Variants in GLIS1 observed in about 807,000 individuals in gnomAD.
GLIS1 encodes the protein GLIS family zinc finger 1.
A neutral mutation model predicts 63.8 loss-of-function variants in GLIS1; 24 were observed. That is an observed-to-expected ratio of 0.38 (90% CI 0.27 to 0.53). The LOEUF (loss-of-function observed/expected upper bound fraction) is 0.53, where lower values mean the gene tolerates loss of function less well. GLIS1 is among the 20% of genes least tolerant of loss of function. The probability of loss-of-function intolerance (pLI) is 0.85; values close to 1 mark genes in which losing one functional copy is unlikely to be tolerated. For synonymous variants in GLIS1, 450 were observed against 482.5 expected (o/e 0.93, Z 0.88); for missense variants, 1,036 against 1,074.1 (o/e 0.96, Z 0.50).
intron 2 of GLIS1, among the ~76,000 whole-genome samples, chr1:53,640,415 C>T (rs562932498): frequency 4.6e-5 from 7 of 152,238 alleles, no homozygotes; most frequent in African/African-American, 1.4e-4. Flanking sequence ...GACTCTACAC[C>T]GTTGTTGGTG....
chr1:53,705,921 C>G (rs2100507194), intron 2 of GLIS1, among the ~76,000 whole-genome samples: 1 of 152,298 alleles, frequency 6.6e-6, no homozygotes, highest in Admixed American at 6.5e-5. Context: ...AGCAGTCAGC[C>G]AGGCCAACCC....
intron 2 of GLIS1, among the ~76,000 whole-genome samples, chr1:53,680,700 C>T (rs1035859881): frequency 6.6e-6 from 1 of 152,180 alleles, no homozygotes; most frequent in South Asian, 2.1e-4. Context: ...GTGTGATGCT[C>T]CTACTATCTG....
intron 2 of GLIS1, among the ~76,000 whole-genome samples, chr1:53,664,322 C>G (rs1646064702): frequency 6.6e-6 from 1 of 152,212 alleles, no homozygotes; most frequent in Non-Finnish European, 1.5e-5. Flanking sequence ...GCTTCCTACA[C>G]CAGAGGCAGA....
chr1:53,628,719 G>T lies in GLIS1; in HGVS notation c.260-28441C>A, dbSNP rs564164066. ...TCATCACCTAGCAGGTCTAAGCTCA[G>T]TCTCCTGGGTGCTGATCATCAGACT... On this transcript the variant is annotated intron_variant, in intron 2 of 10. Transcript: ENST00000628545. 4.7e-4 allele frequency among the ~76,000 whole-genome samples: 71 copies of T among 152,248 alleles called. 1 individual carries two copies. Among genetic ancestry groups the T allele is most frequent in the Non-Finnish European group, 7.8e-4 (53 of 67,994 alleles).
At chr1:53,573,651 C>G (rs1176910307) in intron 4 of GLIS1, among the ~76,000 whole-genome samples, 1 of 152,226 alleles carries the variant, frequency 6.6e-6, no homozygotes, top group Non-Finnish European at 1.5e-5. Context: ...AGCACATGCA[C>G]ATGTACACGC....
At chr1:53,644,733 G>T (rs1274820145) in intron 2 of GLIS1, among the ~76,000 whole-genome samples, 1 of 152,122 alleles carries the variant, frequency 6.6e-6, no homozygotes, top group Non-Finnish European at 1.5e-5. Context: ...AGAATTAAAC[G>T]GTGCATTTGG....
chr1:53,549,782 T>C (rs1034203642), intron 4 of GLIS1, among the ~76,000 whole-genome samples: 1 of 152,228 alleles, frequency 6.6e-6, no homozygotes, highest in Non-Finnish European at 1.5e-5. Context: ...AGTGCTTGTA[T>C]GTGTATTAAG....
intron 4 of GLIS1, among the ~76,000 whole-genome samples, chr1:53,592,318 C>T (rs891572293): frequency 6.6e-6 from 1 of 152,094 alleles, no homozygotes; most frequent in Admixed American, 6.5e-5. Flanking sequence ...CACACAGAGG[C>T]CCCACTGTGA....
intron 6 of GLIS1, among the ~76,000 whole-genome samples, 169 bp from the exon 7 acceptor site, chr1:53,520,935 A>G (rs1644401977): frequency 6.6e-6 from 1 of 152,212 alleles, no homozygotes; most frequent in Non-Finnish European, 1.5e-5. Flanking sequence ...TACATCGTGA[A>G]GATGTTGTTA....
At chr1:53,590,459 A>G (rs1003022905) in intron 4 of GLIS1, among the ~76,000 whole-genome samples, 3 of 152,170 alleles carry the variant, frequency 2.0e-5, no homozygotes, top group Non-Finnish European at 4.4e-5. Context: ...GGGCATTGTC[A>G]TGACTTTTCC....
chr1:53,561,778 G>A (rs1358986594), intron 4 of GLIS1, among the ~76,000 whole-genome samples: 1 of 152,230 alleles, frequency 6.6e-6, no homozygotes, highest in Admixed American at 6.5e-5. Flanking sequence ...TGGCCCATGG[G>A]AGCCAAGGTG....
intron 2 of GLIS1, among the ~76,000 whole-genome samples, chr1:53,612,045 G>C (rs1645429518): frequency 6.6e-6 from 1 of 151,702 alleles, no homozygotes; most frequent in African/African-American, 2.4e-5. Flanking sequence ...ATTGCCCAGG[G>C]GGTCTCAAAC....
At chr1:53,603,575 C>G (rs149936370) in intron 2 of GLIS1, among the ~76,000 whole-genome samples, 6 of 152,334 alleles carry the variant, frequency 3.9e-5, no homozygotes, top group African/African-American at 1.4e-4. Flanking sequence ...TGTCTTGCCT[C>G]CCTGTCCCCA....
chr1:53,578,213 T>G lies in GLIS1; in HGVS notation c.1320+15895A>C, dbSNP rs554170739. 1.4e-3 allele frequency among the ~76,000 whole-genome samples: 207 copies of G among 152,262 alleles called. 1 individual carries two copies. The highest frequency in any genetic ancestry group is 0.01 in the Middle Eastern group (3 of 294). ...CTATAGCAGCCTGAATCCCACTGGG[T>G]GATCGGGGTCAAGTTAATTAACTTC... is the stretch of plus-strand genomic sequence containing the variant. On this transcript the variant is annotated intron_variant, in intron 4 of 10. Coordinates refer to ENST00000628545, the MANE Select transcript of GLIS1 (RefSeq NM_001367484.1).
chr1:53,535,656 C>T (rs1644574438), intron 4 of GLIS1, among the ~76,000 whole-genome samples: 1 of 152,026 alleles, frequency 6.6e-6, no homozygotes, highest in Non-Finnish European at 1.5e-5. Context: ...TCCAGGTCTG[C>T]CCCCTTCTCT....
intron 4 of GLIS1, among the ~76,000 whole-genome samples, chr1:53,545,002 A>T (rs1432755411): frequency 1.3e-5 from 2 of 152,196 alleles, no homozygotes; most frequent in African/African-American, 4.8e-5. Flanking sequence ...TTCCCCTGCC[A>T]CCAGCTTTTT....
At chr1:53,655,060 A>G (rs11577232) in intron 2 of GLIS1, among the ~76,000 whole-genome samples, 15,215 of 152,238 alleles carry the variant, frequency 0.1, 952 homozygotes, top group South Asian at 0.24. Context: ...CCTAGTGCAC[A>G]GGGCCAGTGT....
At chr1:53,661,383 G>C (rs984161049) in intron 2 of GLIS1, among the ~76,000 whole-genome samples, 3 of 152,092 alleles carry the variant, frequency 2.0e-5, no homozygotes, top group African/African-American at 7.2e-5. Flanking sequence ...CCCATCACAC[G>C]GCTTATTTGC....
chr1:53,664,347 T>C (rs1646065109), intron 2 of GLIS1, among the ~76,000 whole-genome samples: 1 of 152,260 alleles, frequency 6.6e-6, no homozygotes, highest in African/African-American at 2.4e-5. Flanking sequence ...GAGTACGATG[T>C]ACTGCTGATT....
Sources: allele counts gnomAD v4.1 joint callset (sites outside exome capture counted in the v4.1 genomes callset), GRCh38; gene constraint gnomAD v4.1.1; transcripts MANE v1.5; gene names NCBI Gene and HGNC (gene_info 2026-07-23, HGNC 2026-07-21).